The following CARD10 variants were observed in gnomAD, a reference collection of about 807,000 sequenced individuals.
CARD10 encodes the protein caspase recruitment domain-containing protein 10.
In CARD10, 49 loss-of-function variants were observed where a neutral mutation model predicts 114.6. That is an observed-to-expected ratio of 0.43 (90% CI 0.34 to 0.54). CARD10 has a LOEUF of 0.54. CARD10 is among the 20% of genes least tolerant of loss of function. CARD10 has a pLI of 0.03. For missense variants in CARD10, 1,206 were observed against 1,397.2 expected, an observed-to-expected ratio of 0.86 and a Z score of 2.18; for synonymous variants, 602 against 593.2, an observed-to-expected ratio of 1.01 and a Z score of -0.21.
Position 37,516,207 on chromosome 22 carries a change from C to G in CARD10, c.465G>C (p.Gln155His). The G allele has an allele frequency of 6.3e-7, 1 of 1,597,810 alleles. No homozygotes were observed. The highest frequency in any genetic ancestry group is 1.1e-5 in the South Asian group (1 of 89,334). ...GCACCCGGCCCCGGGCCTGCAGTTG[C>G]TGCTCCCGCTGCAGCTGGCTCTTGC... ...EARKSQLQRE[Q>H]QLQARGRVLE... Residue 155 changes from glutamine to histidine, a missense_variant, in exon 3 of 20, where the codon CAG (glutamine) becomes CAC (histidine). Gln to His is a conservative substitution (Grantham distance 24). Around this residue, in one of 2 missense-constraint regions of CARD10, gnomAD observed 1,068 missense variants for 1,179.1 expected, o/e 0.91. Transcript: ENST00000251973.
Position 37,496,059 on chromosome 22 carries a change from C to A in CARD10, c.2060-56G>T. 1 of 1,594,720 alleles carries A rather than the reference C, an allele frequency of 6.3e-7. No individual in the cohort carries two copies. The highest frequency in any genetic ancestry group is 1.1e-5 in the South Asian group (1 of 89,166). On this transcript the variant is annotated intron_variant, in intron 13 of 19. Coordinates refer to ENST00000251973, the MANE Select transcript of CARD10 (RefSeq NM_014550.4). The surrounding 1 kb of genome is among the most constrained non-coding windows in gnomAD (Gnocchi z 4.1). The stretch of plus-strand genomic sequence containing the variant: ...GAGGACAAGAGGAGGATGGTGAGGT[C>A]CAGGATCGGCCTTGGTGGGGCCAAA...
In CARD10 at chr22:37,518,659, G is replaced by A. The variant is rs199775404; in HGVS notation, c.235+307C>T. ...GGTGCCAAGTCCACCGGCTGTGACC[G>A]GGAGGTCCCAGGCCCAGCCGGCCCT... is the stretch of plus-strand genomic sequence containing the variant. On this transcript the variant is annotated intron_variant, in intron 1 of 19. Coordinates refer to ENST00000251973, the MANE Select transcript of CARD10 (RefSeq NM_014550.4). 1.3e-3 allele frequency among the ~76,000 whole-genome samples: 194 copies of A among 152,318 alleles called. 11 individuals are homozygous for A. The East Asian group carries it at 0.031, about 24-fold the overall frequency.
chr22:37,516,772 A>G (rs1013064376), intron 2 of CARD10, among the ~76,000 whole-genome samples: 1 of 152,220 alleles, frequency 6.6e-6, no homozygotes, highest in African/African-American at 2.4e-5. Flanking sequence ...TTTGTGCTAG[A>G]TATATCTTAA....
intron 3 of CARD10, among the ~76,000 whole-genome samples, chr22:37,512,498 C>T (rs1366899368): frequency 1.4e-5 from 2 of 147,948 alleles, no homozygotes; most frequent in African/African-American, 5.2e-5. Flanking sequence ...CACACACACA[C>T]ACACACACAC....
Position 37,492,640 on chromosome 22 carries a change from T to C in CARD10, c.2635+4A>G, listed in dbSNP as rs1476687726. 1 of 1,612,508 alleles carries C rather than the reference T, an allele frequency of 6.2e-7. No individual in the cohort carries two copies. The highest frequency in any genetic ancestry group is 1.7e-5 in the Admixed American group (1 of 59,930). Reference sequence around the variant, plus strand: ...AGCCTCCCCTCCCCGGCACATAGTCTCACCCGCTGGGCACACTTGGAAGTC... The same window carrying C: ...AGCCTCCCCTCCCCGGCACATAGTCCCACCCGCTGGGCACACTTGGAAGTC... On this transcript the variant is annotated splice_donor_region_variant and intron_variant, in intron 17 of 19. Transcript: ENST00000251973. This position sits in a 1 kb window ranked among gnomAD's most constrained non-coding sequence, Gnocchi z 5.7.
In CARD10 at chr22:37,501,267, C is replaced by T. The variant is rs903562092; in HGVS notation, c.1787+1335G>A. ...GAAGTGGCCCCATGTGATCGTGGGG[C>T]CTGGGCGGGGCTGGGACGGAGGCTC... On this transcript the variant is annotated intron_variant, in intron 11 of 19. Transcript: ENST00000251973. This position sits in a 1 kb window ranked among gnomAD's most constrained non-coding sequence, Gnocchi z 5.4. Among the ~76,000 whole-genome samples, 1 of 152,132 alleles carries T rather than the reference C, an allele frequency of 6.6e-6. No individual in the cohort carries two copies. The highest frequency in any genetic ancestry group is 1.5e-5 in the Non-Finnish European group (1 of 68,018).
chr22:37,518,868 G>C, intron 1 of CARD10, 98 bp downstream of exon 1: 1 of 1,378,070 alleles, frequency 7.3e-7, no homozygotes, highest in Non-Finnish European at 9.5e-7. Flanking sequence ...CCGAGCCCCA[G>C]GGCAGCAGAG....
intron 10 of CARD10, 99 bp from the exon 11 acceptor site, chr22:37,502,824 T>C: frequency 7.0e-7 from 1 of 1,428,966 alleles, no homozygotes; most frequent in Non-Finnish European, 9.3e-7. Context: ...AGAGAGGCCT[T>C]GGCAGGTTTG....
At chr22:37,511,119 C>A (rs1923624803) in intron 3 of CARD10, among the ~76,000 whole-genome samples, 1 of 146,332 alleles carries the variant, frequency 6.8e-6, no homozygotes, top group African/African-American at 2.6e-5. Context: ...GGAAACCAGG[C>A]CTAACACTTT....
intron 3 of CARD10, among the ~76,000 whole-genome samples, chr22:37,515,583 A>C (rs1003458113): frequency 1.2e-4 from 17 of 145,730 alleles, no homozygotes; most frequent in African/African-American, 4.5e-4. Context: ...AAAAAAAAAA[A>C]CAACTTATCA....
At chr22:37,510,711 G>T in intron 3 of CARD10, 1 of 432,780 alleles carries the variant, frequency 2.3e-6, no homozygotes. Context: ...TGTCTGTCCC[G>T]CACTTCTGAC....
chr22:37,507,631 G>A (rs1374268028), intron 6 of CARD10, among the ~76,000 whole-genome samples, 198 bp downstream of exon 6: 1 of 152,174 alleles, frequency 6.6e-6, no homozygotes, highest in Non-Finnish European at 1.5e-5. Context: ...GAGGCCAGTG[G>A]GTCCAGGGTG....
intron 4 of CARD10, chr22:37,509,260 T>C: frequency 1.1e-6 from 1 of 928,404 alleles, no homozygotes; most frequent in Non-Finnish European, 1.5e-6. Flanking sequence ...CGCAGGACAC[T>C]AAGCAAGCCC....
At chr22:37,509,697 C>T (rs1186240763) in intron 4 of CARD10, among the ~76,000 whole-genome samples, 6 of 139,944 alleles carry the variant, frequency 4.3e-5, no homozygotes, top group African/African-American at 1.5e-4. Context: ...CTCCTGACCC[C>T]CCCTCAACCC....
rs1037758592 is a variant in CARD10 at position 37,496,156 on chromosome 22, G to A, written c.2060-153C>T. Among the ~76,000 whole-genome samples the A allele has an allele frequency of 6.6e-6, 1 of 152,206 alleles. No homozygotes were observed. Among genetic ancestry groups the A allele is most frequent in the Non-Finnish European group, 1.5e-5 (1 of 68,032 alleles). On this transcript the variant is annotated intron_variant, in intron 13 of 19. Transcript: ENST00000251973. This position sits in a 1 kb window ranked among gnomAD's most constrained non-coding sequence, Gnocchi z 4.1. ...TTCTTAGAATGACTTAGGTCCAGAG[G>A]GGGCAGGGACTTGCCCAAGGCCAGT...
chr22:37,519,188 C>A lies in CARD10; in HGVS notation c.13G>T (p.Ala5Ser). 1 of 1,530,832 alleles carries A rather than the reference C, an allele frequency of 6.5e-7. No homozygotes were observed. The highest frequency in any genetic ancestry group is 8.7e-7 in the Non-Finnish European group (1 of 1,144,294). The allele number at this position is 1,530,832 out of a possible 1,614,324, so 94.8% of individuals were successfully genotyped here. A position where few individuals can be genotyped will look rare whatever the true frequency, so the allele number is the denominator to read the frequency against. Residue 5 changes from alanine to serine, a missense_variant, in exon 1 of 20, where the codon GCG (alanine) becomes TCG (serine). Ala to Ser is a moderately conservative substitution (Grantham distance 99, BLOSUM62 1). This residue lies in a region of CARD10 where 138 missense variants were observed against 218.0 expected (regional missense o/e 0.63). Transcript: ENST00000251973. This position sits in a 1 kb window ranked among gnomAD's most constrained non-coding sequence, Gnocchi z 4.1. ...TCCTCCTCGGCCTCCCCCGCCTCCGCCCGGCCCGGCATGGCCGTGTCCTCA... is the reference window on the plus strand; with the variant it reads ...TCCTCCTCGGCCTCCCCCGCCTCCGACCGGCCCGGCATGGCCGTGTCCTCA... MPGR[A>S]EAGEAEEEAG...
At chr22:37,494,512 A>C in intron 15 of CARD10, 1 of 385,558 alleles carries the variant, frequency 2.6e-6, no homozygotes. Flanking sequence ...GAGGAACCAA[A>C]TGTCACATAC....
Position 37,519,361 on chromosome 22 carries a change from C to T in CARD10, c.-161G>A. On this transcript the variant is annotated 5_prime_UTR_variant, in exon 1 of 20. Coordinates refer to ENST00000251973, the MANE Select transcript of CARD10 (RefSeq NM_014550.4). The surrounding 1 kb of genome is among the most constrained non-coding windows in gnomAD (Gnocchi z 4.1). ...GACTCACCCCGCACGCTACAGTCGC[C>T]TCGGGCTCCCGGGTCCGCACTCGGG... 1.6e-6 allele frequency: 2 copies of T among 1,234,784 alleles called. No homozygotes were observed. The highest frequency in any genetic ancestry group is 4.3e-5 in the Admixed American group (1 of 23,426). 76.5% of individuals were successfully genotyped at this position (1,234,784 alleles called of 1,614,324 possible). A position where few individuals can be genotyped will look rare whatever the true frequency, so the allele number is the denominator to read the frequency against.
At chr22:37,497,295 A>C in intron 11 of CARD10, 117 bp from the exon 12 acceptor site, 2 of 1,010,178 alleles carry the variant, frequency 2.0e-6, no homozygotes, top group Non-Finnish European at 2.9e-6. Flanking sequence ...TCCCACCCCC[A>C]GGCCTCTCCA....
Sources: allele counts gnomAD v4.1 joint callset (sites outside exome capture counted in the v4.1 genomes callset), GRCh38; gene constraint gnomAD v4.1.1; regional missense constraint gnomAD v4.1.1; non-coding constraint Gnocchi (gnomAD v3.1); transcripts MANE v1.5; gene names NCBI Gene and HGNC (gene_info 2026-07-23, HGNC 2026-07-21).